The following GLT1D1 variants were observed in gnomAD, a reference collection of about 807,000 sequenced individuals.
GLT1D1 encodes the protein glycosyltransferase 1 domain-containing protein 1.
GLT1D1 carries 21 observed loss-of-function variants against 28.7 expected under a neutral mutation model. The ratio of observed to expected loss-of-function variants is 0.73; its 90% confidence interval spans 0.52 to 1.05. The LOEUF (loss-of-function observed/expected upper bound fraction) is 1.05, where lower values mean the gene tolerates loss of function less well. GLT1D1 is among the 50% of genes least tolerant of loss of function. The pLI is 0.00. For missense variants in GLT1D1, 343 were observed against 330.6 expected, an observed-to-expected ratio of 1.04 and a Z score of -0.29; for synonymous variants, 147 against 124.8, an observed-to-expected ratio of 1.18 and a Z score of -1.19.
At chr12:128,858,394 G>A (rs1303623224) in intron 1 of GLT1D1, among the ~76,000 whole-genome samples, 4 of 152,102 alleles carry the variant, frequency 2.6e-5, no homozygotes, top group East Asian at 1.9e-4. Context: ...AATTTCTGCC[G>A]GGCCTGGTGG....
intron 6 of GLT1D1, among the ~76,000 whole-genome samples, chr12:128,950,707 A>T (rs1310185840): frequency 6.6e-6 from 1 of 152,222 alleles, no homozygotes; most frequent in Non-Finnish European, 1.5e-5. Context: ...CTGTCTCTGT[A>T]AACCTTTATC....
chr12:128,966,241 C>T (rs944709052), intron 7 of GLT1D1, among the ~76,000 whole-genome samples: 5 of 152,188 alleles, frequency 3.3e-5, no homozygotes, highest in Non-Finnish European at 7.3e-5. Flanking sequence ...GCTGAGAGGG[C>T]GTGCATACCA....
At chr12:128,909,002 T>C (rs978863244) in intron 4 of GLT1D1, among the ~76,000 whole-genome samples, 1 of 152,090 alleles carries the variant, frequency 6.6e-6, no homozygotes, top group Non-Finnish European at 1.5e-5. Flanking sequence ...GGTCCAAGCG[T>C]CATTCCACTG....
At chr12:128,960,126 C>A (rs528687846) in intron 7 of GLT1D1, among the ~76,000 whole-genome samples, 1 of 152,306 alleles carries the variant, frequency 6.6e-6, no homozygotes, top group East Asian at 1.9e-4. Flanking sequence ...GCGGCACTCA[C>A]GGAGTCTCGT....
intron 1 of GLT1D1, among the ~76,000 whole-genome samples, chr12:128,854,586 C>T (rs1956165630): frequency 6.6e-6 from 1 of 152,100 alleles, no homozygotes; most frequent in South Asian, 2.1e-4. Context: ...CAACCTCCGC[C>T]TCCTGGATTC....
At chr12:128,891,753 T>C (rs1294578677) in intron 3 of GLT1D1, among the ~76,000 whole-genome samples, 1 of 152,174 alleles carries the variant, frequency 6.6e-6, no homozygotes, top group African/African-American at 2.4e-5. Context: ...AGGACCCTAG[T>C]CCTTCCTGAG....
At chr12:128,974,942 C>T (rs1405477695) in intron 7 of GLT1D1, among the ~76,000 whole-genome samples, 1 of 152,236 alleles carries the variant, frequency 6.6e-6, no homozygotes, top group Non-Finnish European at 1.5e-5. Context: ...GCATTTGCCC[C>T]TCATTGAGGC....
intron 3 of GLT1D1, among the ~76,000 whole-genome samples, chr12:128,895,298 A>G (rs1218631672): frequency 6.6e-6 from 1 of 152,002 alleles, no homozygotes; most frequent in Non-Finnish European, 1.5e-5. Flanking sequence ...ATACAACTAT[A>G]TGTATTTTTA....
chr12:128,874,116 C>CTT (rs1555261626), intron 1 of GLT1D1, among the ~76,000 whole-genome samples: 9 of 59,534 alleles, frequency 1.5e-4, no homozygotes, highest in Non-Finnish European at 2.3e-4. Flanking sequence ...CTCTCTCTCT[C>CTT]TCTCTCTCTC....
At chr12:128,959,082 T>C (rs75177748) in intron 7 of GLT1D1, among the ~76,000 whole-genome samples, 1,676 of 151,808 alleles carry the variant, frequency 0.011, 38 homozygotes, top group African/African-American at 0.038. Flanking sequence ...AAGCGATCCA[T>C]CTGCTTGGTC....
At chr12:128,883,589 CAAAAAAAA>C (rs202021879) in intron 2 of GLT1D1, among the ~76,000 whole-genome samples, 1 of 77,992 alleles carries the variant, frequency 1.3e-5, no homozygotes. Flanking sequence ...GACTCCATCT[CAAAAAAAA>C]AAAAAAAAAA....
intron 7 of GLT1D1, among the ~76,000 whole-genome samples, chr12:128,979,993 T>A (rs1880164278): frequency 6.6e-6 from 1 of 152,226 alleles, no homozygotes; most frequent in South Asian, 2.1e-4. Flanking sequence ...ACCAAATGCA[T>A]CTCACTCTCA....
At chr12:128,890,796 C>T (rs894437163) in intron 3 of GLT1D1, among the ~76,000 whole-genome samples, 2 of 152,154 alleles carry the variant, frequency 1.3e-5, no homozygotes, top group African/African-American at 4.8e-5. Context: ...GTCAGGAGTT[C>T]GAGACCAGCC....
intron 4 of GLT1D1, among the ~76,000 whole-genome samples, chr12:128,921,470 A>G (rs1872648537): frequency 6.6e-6 from 1 of 151,878 alleles, no homozygotes; most frequent in Non-Finnish European, 1.5e-5. Flanking sequence ...AGCCTAAAGT[A>G]TGTTTTTAAT....
At position 128,859,337 on chromosome 12, in the gene GLT1D1, C is replaced by T. The variant is rs995417738; in HGVS notation, c.68+5688C>T. Among the ~76,000 whole-genome samples the T allele has an allele frequency of 7.9e-5, 12 of 152,186 alleles. No individual in the cohort carries two copies. The South Asian group carries it at 2.3e-3, about 29-fold the overall frequency. The stretch of plus-strand genomic sequence containing the variant: ...CCATCTCTTCCAGAGCTGAGAGTCA[C>T]GCAGCCTTCACAGCACAGAATCCTG... On this transcript the variant is annotated intron_variant, in intron 1 of 7. Transcript: ENST00000281703.
chr12:128,949,844 G>A (rs118148553), intron 6 of GLT1D1, among the ~76,000 whole-genome samples: 13 of 151,616 alleles, frequency 8.6e-5, no homozygotes, highest in Middle Eastern at 6.3e-3. Context: ...ACATGCACAC[G>A]CACGTACACA....
At chr12:128,973,874 C>CGT (rs926166793) in intron 7 of GLT1D1, among the ~76,000 whole-genome samples, 6 of 139,298 alleles carry the variant, frequency 4.3e-5, no homozygotes, top group Non-Finnish European at 9.1e-5. Flanking sequence ...CCAGGTTTCC[C>CGT]GTGTGTGTGT....
intron 1 of GLT1D1, among the ~76,000 whole-genome samples, chr12:128,857,387 A>C (rs1956248261): frequency 6.6e-6 from 1 of 152,234 alleles, no homozygotes; most frequent in South Asian, 2.1e-4. Flanking sequence ...GCAGAAGCAG[A>C]ATAAAGGCTG....
intron 4 of GLT1D1, among the ~76,000 whole-genome samples, chr12:128,934,198 C>T (rs117941008): frequency 0.029 from 2,140 of 73,378 alleles, 103 homozygotes; most frequent in South Asian, 0.099. Flanking sequence ...AAGAGACAGT[C>T]TTTTTTTTTT....
Sources: gnomAD v4.1 joint callset for allele counts (sites outside exome capture counted in the v4.1 genomes callset) on GRCh38, gnomAD v4.1.1 for gene constraint, MANE v1.5 for transcripts, NCBI Gene and HGNC (gene_info 2026-07-23, HGNC 2026-07-21) for gene names.